Variants in RTN4 observed in about 807,000 individuals in gnomAD.
RTN4 encodes the protein reticulon 4.
RTN4 carries 32 observed loss-of-function variants against 90.4 expected under a neutral mutation model. That is an observed-to-expected ratio of 0.35 (90% CI 0.27 to 0.48). The LOEUF (loss-of-function observed/expected upper bound fraction) is 0.48. RTN4 is among the 20% of genes least tolerant of loss of function. RTN4 has a pLI of 0.99. For missense variants in RTN4, 1,706 were observed against 1,430.2 expected, an observed-to-expected ratio of 1.19 and a Z score of -3.11; for synonymous variants, 629 against 552.5, an observed-to-expected ratio of 1.14 and a Z score of -1.94.
upstream of RTN4, among the ~76,000 whole-genome samples, chr2:55,116,609 T>C (rs1225281454): frequency 6.6e-6 from 1 of 152,206 alleles, no homozygotes; most frequent in Non-Finnish European, 1.5e-5. Context: ...TAATTAATCA[T>C]CAAAATAGCC....
intron 3 of RTN4, among the ~76,000 whole-genome samples, chr2:54,988,719 AG>A (rs1257912913): frequency 6.6e-6 from 1 of 152,214 alleles, no homozygotes; most frequent in Non-Finnish European, 1.5e-5. Flanking sequence ...TAGGGGTCAA[AG>A]AAAAAAGAAA....
At chr2:55,134,118 C>T in the RTN4 span, among the ~76,000 whole-genome samples, 7 of 152,086 alleles carry the variant, frequency 4.6e-5, no homozygotes, top group Non-Finnish European at 8.8e-5. Flanking sequence ...TGTAAACTGT[C>T]ATGTCGCTAG....
chr2:54,995,647 G>C (rs911676310), intron 3 of RTN4, among the ~76,000 whole-genome samples: 2 of 152,072 alleles, frequency 1.3e-5, no homozygotes, highest in African/African-American at 4.8e-5. Flanking sequence ...AGCCTATCCT[G>C]ACATCTCAGG....
the RTN4 span, among the ~76,000 whole-genome samples, chr2:55,126,632 G>C: frequency 1.1e-4 from 16 of 152,282 alleles, no homozygotes; most frequent in Admixed American, 7.2e-4. Flanking sequence ...TCCTCAAAGA[G>C]CTAAAAACAG....
At chr2:55,076,281 T>C (rs1180909017) in intron 2 of RTN4, among the ~76,000 whole-genome samples, 1 of 150,910 alleles carries the variant, frequency 6.6e-6, no homozygotes, top group Non-Finnish European at 1.5e-5. Context: ...AGGACATGAA[T>C]AGGCAATTCT....
intron 3 of RTN4, among the ~76,000 whole-genome samples, chr2:55,005,289 G>A (rs1680131782): frequency 6.6e-6 from 1 of 152,132 alleles, no homozygotes; most frequent in South Asian, 2.1e-4. Context: ...AGGGGCCCTG[G>A]TAAGGATGAG....
At position 54,972,428 on chromosome 2, in the gene RTN4, A is replaced by T. The variant is rs1209997222; in HGVS notation, c.*728T>A. On this transcript the variant is annotated 3_prime_UTR_variant, in exon 9 of 9. Transcript: ENST00000337526. ...GTCTGTGCAATGAAATTGATGTTGG[A>T]GTTCTATGTGTGTGGCATTTCATGT... 6.9e-6 allele frequency: 1 copy of T among 145,246 alleles called. No homozygotes were observed. The highest frequency in any genetic ancestry group is 2.2e-4 in the South Asian group (1 of 4,604). 9.0% of individuals were successfully genotyped at this position (145,246 alleles called of 1,614,324 possible).
Position 55,027,160 on chromosome 2 carries a change from G to C in RTN4, c.939C>G (p.Ala313=). The C allele has an allele frequency of 1.2e-6, 2 of 1,613,274 alleles. No individual in the cohort carries two copies. Among genetic ancestry groups the C allele is most frequent in the Non-Finnish European group, 1.7e-6 (2 of 1,179,716 alleles). Residue 313 remains alanine (A), a synonymous_variant, in exon 3 of 9, where the codon GCC becomes GCG. Coordinates refer to ENST00000337526, the MANE Select transcript of RTN4 (RefSeq NM_020532.5). ...SFSVSPKAES[A]VIVANPREEI... is the part of the protein sequence containing the mutation. ...CTTCCCTAGGATTTGCTACTATTAC[G>C]GCAGATTCTGCTTTTGGAGAGACAC... is the stretch of plus-strand genomic sequence containing the variant.
At chr2:55,132,310 C>T in the RTN4 span, among the ~76,000 whole-genome samples, 1 of 152,136 alleles carries the variant, frequency 6.6e-6, no homozygotes, top group Non-Finnish European at 1.5e-5. Context: ...TGAGACCAGC[C>T]TGGCCAACAG....
At chr2:55,108,777 C>A (rs1485027000) in intron 1 of RTN4, among the ~76,000 whole-genome samples, 1 of 151,940 alleles carries the variant, frequency 6.6e-6, no homozygotes, top group African/African-American at 2.4e-5. Flanking sequence ...ATGGCAAAAA[C>A]CGCAATTACT....
At chr2:55,019,490 A>G (rs1482172036) in intron 3 of RTN4, among the ~76,000 whole-genome samples, 1 of 152,212 alleles carries the variant, frequency 6.6e-6, no homozygotes, top group African/African-American at 2.4e-5. Context: ...ATAACCAGTG[A>G]GGGACTGATG....
At chr2:55,069,121 C>T (rs1668444610) in intron 2 of RTN4, among the ~76,000 whole-genome samples, 1 of 152,162 alleles carries the variant, frequency 6.6e-6, no homozygotes, top group Non-Finnish European at 1.5e-5. Flanking sequence ...CTGAAGAAAT[C>T]TCAGGAGGAG....
At chr2:55,076,504 AT>A (rs2105023679) in intron 2 of RTN4, among the ~76,000 whole-genome samples, 1 of 132,330 alleles carries the variant, frequency 7.6e-6, no homozygotes, top group African/African-American at 2.9e-5. Context: ...GGTTCTAGTG[AT>A]TTTCCTGCCT....
chr2:55,034,287 G>A (rs1056921359), intron 1 of RTN4, among the ~76,000 whole-genome samples: 4 of 152,108 alleles, frequency 2.6e-5, no homozygotes, highest in African/African-American at 9.7e-5. Flanking sequence ...GATTGCTTGA[G>A]CCCTGGGGTA....
intron 5 of RTN4, among the ~76,000 whole-genome samples, chr2:54,977,862 G>A (rs548126292): frequency 6.6e-6 from 1 of 152,232 alleles, no homozygotes; most frequent in Admixed American, 6.5e-5. Context: ...AATTTAAAAG[G>A]AGAACTCTGC....
rs921527325 is a variant in RTN4 at position 55,050,062 on chromosome 2, T to G, written c.239A>C (p.Asp80Ala). ...CGGCGGCACGAAGTCATTTCCGAAG[T>G]CCATCAGGGGCGCGCCGGCGGCAGG... ...TAPAAGAPLM[D>A]FGNDFVPPAP... Residue 80 changes from aspartate (D) to alanine (A), a missense_variant, in exon 1 of 9, where the codon GAC becomes GCC. Physicochemically the swap from Asp to Ala is moderately radical, Grantham distance 126. Coordinates refer to ENST00000337526, the MANE Select transcript of RTN4 (RefSeq NM_020532.5). The surrounding 1 kb of genome is among the most constrained non-coding windows in gnomAD (Gnocchi z 4.6). 8 of 1,430,174 alleles carry G rather than the reference T, an allele frequency of 5.6e-6. No homozygotes were observed. The highest frequency in any genetic ancestry group is 7.3e-6 in the Non-Finnish European group (8 of 1,097,856). 88.6% of individuals were successfully genotyped at this position (1,430,174 alleles called of 1,614,324 possible). A position where few individuals can be genotyped will look rare whatever the true frequency, so the allele number is the denominator to read the frequency against.
At chr2:55,032,038 A>C (rs1682352708) in intron 1 of RTN4, among the ~76,000 whole-genome samples, 1 of 152,202 alleles carries the variant, frequency 6.6e-6, no homozygotes, top group Non-Finnish European at 1.5e-5. Flanking sequence ...ATAAATAAGA[A>C]AGAATAGCAA....
At chr2:55,047,916 T>C (rs1335007090) in intron 1 of RTN4, among the ~76,000 whole-genome samples, 1 of 152,178 alleles carries the variant, frequency 6.6e-6, no homozygotes, top group Non-Finnish European at 1.5e-5. Flanking sequence ...AGACCATACA[T>C]AGTCATGCCT....
intron 1 of RTN4, among the ~76,000 whole-genome samples, chr2:55,090,658 A>T (rs535075281): frequency 6.6e-6 from 1 of 152,324 alleles, no homozygotes; most frequent in East Asian, 1.9e-4. Flanking sequence ...CTAAAGGACA[A>T]GGAGGACTAC....
Sources: allele counts gnomAD v4.1 joint callset (sites outside exome capture counted in the v4.1 genomes callset), GRCh38; gene constraint gnomAD v4.1.1; non-coding constraint Gnocchi (gnomAD v3.1); transcripts MANE v1.5; gene names NCBI Gene and HGNC (gene_info 2026-07-23, HGNC 2026-07-21).